TMEM87B: variants seen among roughly 807,000 people sequenced by gnomAD.
TMEM87B encodes transmembrane protein 87B.
TMEM87B carries 83 observed loss-of-function variants against 80.3 expected under a neutral mutation model. That is an observed-to-expected ratio of 1.03 (90% CI 0.87 to 1.24). The LOEUF is 1.24. TMEM87B is among the 50% of genes most tolerant of loss of function. The pLI, the probability that TMEM87B is intolerant of heterozygous loss-of-function variation, is 0.00. For synonymous variants in TMEM87B, 219 were observed against 230.5 expected, an observed-to-expected ratio of 0.95 and a Z score of 0.45; for missense variants, 625 against 674.4, an observed-to-expected ratio of 0.93 and a Z score of 0.81.
In TMEM87B at chr2:112,081,092, T is replaced by G; in HGVS notation, c.628T>G (p.Ser210Ala). 6.2e-7 allele frequency: 1 copy of G among 1,613,068 alleles called. No homozygotes were observed. The highest frequency in any genetic ancestry group is 8.5e-7 in the Non-Finnish European group (1 of 1,179,802). The change falls in exon 7 of 19, where the codon TCT becomes GCT. Residue 210 changes from serine to alanine, a missense_variant. Transcript: ENST00000283206. ...TATGATTGGGCCTCATGGATATATC[T>G]CTGCATCAGATTGGCCCCTAATGAT... The part of the protein sequence containing the change: ...LSMIGPHGYI[S>A]ASDWPLMIFY...
chr2:112,118,275 C>G lies in TMEM87B; in HGVS notation c.*2132C>G, dbSNP rs1680076151. 6.6e-6 allele frequency: 1 copy of G among 152,094 alleles called. No homozygotes were observed. The highest frequency in any genetic ancestry group is 2.4e-5 in the African/African-American group (1 of 41,416). The allele number at this position is 152,094 out of a possible 1,614,324, so 9.4% of individuals were successfully genotyped here. ...GTGCTCTAGTGCCATAGCTGTAGTT[C>G]ACAGGAAGGACACCAGGAGAAGTTA... On this transcript the variant is annotated 3_prime_UTR_variant, in exon 19 of 19. Coordinates refer to ENST00000283206, the MANE Select transcript of TMEM87B (RefSeq NM_032824.3).
intron 3 of TMEM87B, among the ~76,000 whole-genome samples, chr2:112,066,130 G>A (rs1678428784): frequency 6.6e-6 from 1 of 152,118 alleles, no homozygotes; most frequent in African/African-American, 2.4e-5. Context: ...CAAACCTTCA[G>A]CCACTTGTTT....
At chr2:112,070,691 G>C (rs1288987362) in intron 4 of TMEM87B, among the ~76,000 whole-genome samples, 1 of 152,114 alleles carries the variant, frequency 6.6e-6, no homozygotes, top group Non-Finnish European at 1.5e-5. Context: ...TTTTAAAATA[G>C]TTTTTTCTAG....
chr2:112,061,912 G>A (rs879156756), intron 2 of TMEM87B, among the ~76,000 whole-genome samples: 1 of 152,188 alleles, frequency 6.6e-6, no homozygotes, highest in African/African-American at 2.4e-5. Flanking sequence ...ATGACATGGG[G>A]CTGGCAGTTG....
At chr2:112,078,472 C>T (rs1469007218) in intron 6 of TMEM87B, among the ~76,000 whole-genome samples, 1 of 152,170 alleles carries the variant, frequency 6.6e-6, no homozygotes, top group Non-Finnish European at 1.5e-5. Flanking sequence ...TAAGCTAGTT[C>T]CCTCCAGGCC....
Position 112,118,279 on chromosome 2 carries a change from G to A in TMEM87B, c.*2136G>A, listed in dbSNP as rs1270155736. 1 of 152,136 alleles carries A rather than the reference G, an allele frequency of 6.6e-6. No homozygotes were observed. The highest frequency in any genetic ancestry group is 2.1e-4 in the South Asian group (1 of 4,826). The allele number at this position is 152,136 out of a possible 1,614,324, so 9.4% of individuals were successfully genotyped here. ...TCTAGTGCCATAGCTGTAGTTCACA[G>A]GAAGGACACCAGGAGAAGTTATACC... is the stretch of plus-strand genomic sequence containing the variant. On this transcript the variant is annotated 3_prime_UTR_variant, in exon 19 of 19. Coordinates refer to ENST00000283206, the MANE Select transcript of TMEM87B (RefSeq NM_032824.3).
In TMEM87B at chr2:112,116,126, T is replaced by G; in HGVS notation, c.1651T>G (p.Ser551Ala). The G allele has an allele frequency of 6.2e-7, 1 of 1,612,998 alleles. No individual in the cohort carries two copies. Among genetic ancestry groups the G allele is most frequent in the Non-Finnish European group, 8.5e-7 (1 of 1,179,650 alleles). Residue 551 changes from serine (S) to alanine (A), a missense_variant, in exon 19 of 19, where the codon TCA (serine) becomes GCA (alanine). Physicochemically the swap from Ser to Ala is moderately conservative, Grantham distance 99. Transcript: ENST00000283206. ...TGAAATGGCTGAAAAAATGTTCTCT[T>G]CAGAAAAGATAATGTGATTGGAACC... ...RSEMAEKMFSSEKIM is the reference protein window; with the variant it reads ...RSEMAEKMFSAEKIM
At chr2:112,109,913 G>A (rs750738504) in intron 17 of TMEM87B, among the ~76,000 whole-genome samples, 2 of 151,520 alleles carry the variant, frequency 1.3e-5, no homozygotes, top group Non-Finnish European at 2.9e-5. Context: ...ATTACAGGCA[G>A]GCGCCACCAC....
At chr2:112,069,382 C>T (rs74602730) in intron 4 of TMEM87B, among the ~76,000 whole-genome samples, 26 of 152,210 alleles carry the variant, frequency 1.7e-4, no homozygotes, top group Non-Finnish European at 2.2e-4. Flanking sequence ...TCCATTTTCT[C>T]ATCATTTAGC....
intron 8 of TMEM87B, 56 bp downstream of exon 8, chr2:112,081,574 A>T: frequency 6.6e-7 from 1 of 1,506,808 alleles, no homozygotes; most frequent in Non-Finnish European, 8.9e-7. Flanking sequence ...CCCAGTATTT[A>T]TGAGCAGAGC....
intron 16 of TMEM87B, among the ~76,000 whole-genome samples, chr2:112,106,836 A>G (rs1036944959): frequency 6.6e-6 from 1 of 152,212 alleles, no homozygotes; most frequent in African/African-American, 2.4e-5. Flanking sequence ...TAGATTTGGC[A>G]GATTCTCTAA....
intron 10 of TMEM87B, among the ~76,000 whole-genome samples, chr2:112,090,998 T>TATA (rs898298382): frequency 2.6e-5 from 4 of 152,022 alleles, no homozygotes; most frequent in Non-Finnish European, 4.4e-5. Context: ...TCTGCATTCA[T>TATA]ATAATAATAA....
chr2:112,085,946 T>G, intron 8 of TMEM87B, 59 bp from the exon 9 acceptor site: 1 of 1,419,940 alleles, frequency 7.0e-7, no homozygotes, highest in Non-Finnish European at 9.8e-7. Context: ...GTTGAGAATC[T>G]TGGTTGGCAG....
At chr2:112,062,782 T>A (rs770063706) in intron 2 of TMEM87B, among the ~76,000 whole-genome samples, 4 of 152,174 alleles carry the variant, frequency 2.6e-5, no homozygotes, top group Non-Finnish European at 5.9e-5. Flanking sequence ...AACTTAACAG[T>A]GCTTCTGTGG....
At chr2:112,067,497 G>T (rs1268080237) in intron 4 of TMEM87B, among the ~76,000 whole-genome samples, 1 of 152,144 alleles carries the variant, frequency 6.6e-6, no homozygotes, top group Non-Finnish European at 1.5e-5. Flanking sequence ...TACTCGGGTG[G>T]CTGAGGCATG....
Position 112,112,925 on chromosome 2 carries a change from A to T in TMEM87B, c.1604A>T (p.Asp535Val). 6.2e-7 allele frequency: 1 copy of T among 1,612,418 alleles called. No homozygotes were observed. The change falls in exon 18 of 19, where the codon GAT becomes GTT. Residue 535 changes from aspartate (D) to valine (V), a missense_variant. Physicochemically the swap from Asp to Val is radical, Grantham distance 152. Transcript: ENST00000283206. ...GCTCTTCCAGTGTTAGTGGATTCAG[A>T]TGAGGTAAAATATATTTTTGCATAT... ...DVALPVLVDSDEEIMTRSEMA... is the reference protein window; with the variant it reads ...DVALPVLVDSVEEIMTRSEMA...
At chr2:112,064,024 CT>C in intron 2 of TMEM87B, 137 bp from the exon 3 acceptor site, 1 of 667,692 alleles carries the variant, frequency 1.5e-6, no homozygotes, top group Non-Finnish European at 2.4e-6. Context: ...TTTACAGTGA[CT>C]TTTTGGAGAA....
chr2:112,096,128 C>T (rs892548899), intron 11 of TMEM87B, among the ~76,000 whole-genome samples: 2 of 152,058 alleles, frequency 1.3e-5, no homozygotes, highest in Admixed American at 6.6e-5. Context: ...ATGACAAGGC[C>T]GGGCACAGAC....
At chr2:112,093,854 G>A (rs1019221075) in intron 11 of TMEM87B, among the ~76,000 whole-genome samples, 39 of 152,298 alleles carry the variant, frequency 2.6e-4, no homozygotes, top group African/African-American at 9.4e-4. Context: ...TTGAGAATGG[G>A]CAGGAGGTAT....
Sources: gnomAD v4.1 joint callset for allele counts (sites outside exome capture counted in the v4.1 genomes callset) on GRCh38, gnomAD v4.1.1 for gene constraint, MANE v1.5 for transcripts, NCBI Gene and HGNC (gene_info 2026-07-23, HGNC 2026-07-21) for gene names.